The following MTOR variants were observed in gnomAD, a reference collection of about 807,000 sequenced individuals.
MTOR encodes the protein mechanistic target of rapamycin kinase.
In MTOR, 70 loss-of-function variants were observed where a neutral mutation model predicts 319.8. That is an observed-to-expected ratio of 0.22 (90% confidence interval 0.18 to 0.27). The LOEUF (loss-of-function observed/expected upper bound fraction) is 0.27, where lower values mean the gene tolerates loss of function less well. Ranked by LOEUF, MTOR falls within the 10% of genes least tolerant of loss-of-function variation. The pLI is 1.00. For synonymous variants in MTOR, 1,183 were observed against 1,211.4 expected (o/e 0.98, Z 0.49); for missense variants, 1,890 against 3,274.4 (o/e 0.58, Z 10.32).
intron 29 of MTOR, among the ~76,000 whole-genome samples, chr1:11,162,355 A>G (rs985757552): frequency 7.9e-5 from 12 of 152,218 alleles, no homozygotes; most frequent in Non-Finnish European, 1.8e-4. Flanking sequence ...GTTGGAAAAC[A>G]CTCTTCAGGA....
In MTOR at chr1:11,233,734, G is replaced by A. The variant is rs184664470; in HGVS notation, c.2332-247C>T. The stretch of plus-strand genomic sequence containing the variant: ...GTATTTCTCATGTCTCCTCTAAACC[G>A]AGTCTCAGTGATTGTTCATCCAGAT... On this transcript the variant is annotated intron_variant, in intron 14 of 57. Coordinates refer to ENST00000361445, the MANE Select transcript of MTOR (RefSeq NM_004958.4). Among the ~76,000 whole-genome samples the A allele has an allele frequency of 5.5e-4, 84 of 152,266 alleles. No individual in the cohort carries two copies. In the East Asian group the frequency reaches 0.012, roughly 21 times the overall value.
chr1:11,157,068 T>G, intron 30 of MTOR, 84 bp downstream of exon 30: 6 of 1,472,562 alleles, frequency 4.1e-6, no homozygotes, highest in Non-Finnish European at 5.4e-6. Context: ...GAACTCCGTG[T>G]GGGGGAAGCC....
rs1644963130 is a variant in MTOR at position 11,175,746 on chromosome 1, G to T, written c.4254-8229C>A. Among the ~76,000 whole-genome samples the T allele has an allele frequency of 1.1e-4, 15 of 137,302 alleles. No individual in the cohort carries two copies. The South Asian group carries it at 2.9e-3, about 26-fold the overall frequency. The allele number at this position is 137,302 out of a possible 152,430, so 90.1% of individuals were successfully genotyped here. On this transcript the variant is annotated intron_variant, in intron 28 of 57. Coordinates refer to ENST00000361445, the MANE Select transcript of MTOR (RefSeq NM_004958.4). ...TTTCCTCTCAGGCTCTCCCTAGCAG[G>T]TTTTTTTTTTTTTTTTGAGACAGGG...
At chr1:11,247,009 G>A (rs188415863) in intron 8 of MTOR, among the ~76,000 whole-genome samples, 11 of 152,336 alleles carry the variant, frequency 7.2e-5, no homozygotes, top group Admixed American at 2.6e-4. Flanking sequence ...TTACAAGTCA[G>A]GAAGCTGAGG....
At chr1:11,221,703 T>C (rs1235443269) in intron 19 of MTOR, among the ~76,000 whole-genome samples, 1 of 148,412 alleles carries the variant, frequency 6.7e-6, no homozygotes, top group African/African-American at 2.5e-5. Flanking sequence ...ATATTATATA[T>C]ACATATATAT....
chr1:11,114,467 A>G lies in MTOR; in HGVS notation c.7165-14T>C, dbSNP rs754423447. ...CAGGCCTGTAACCTAGAAATGGGAC[A>G]GAGCCACTCACCACAGGAGTTACTA... On this transcript the variant is annotated splice_polypyrimidine_tract_variant and intron_variant, in intron 52 of 57. Transcript: ENST00000361445. 1 of 1,614,148 alleles carries G rather than the reference A, an allele frequency of 6.2e-7. No individual in the cohort carries two copies.
intron 28 of MTOR, among the ~76,000 whole-genome samples, chr1:11,175,165 T>C (rs1372764095): frequency 6.6e-6 from 1 of 152,238 alleles, no homozygotes; most frequent in Non-Finnish European, 1.5e-5. Flanking sequence ...ATCCAGTTGC[T>C]ATCATACAGT....
rs552143481 is a variant in MTOR at position 11,136,791 on chromosome 1, C to A, written c.5131-2325G>T. On this transcript the variant is annotated intron_variant, in intron 36 of 57. Transcript: ENST00000361445. ...GTGCTGGGATTACAGGTGTGAACCACCCTTTAGTTTTTTTTTTTTCTAGGA... is the reference window on the plus strand; with the variant it reads ...GTGCTGGGATTACAGGTGTGAACCAACCTTTAGTTTTTTTTTTTTCTAGGA... Among the ~76,000 whole-genome samples, 16 of 151,970 alleles carry A rather than the reference C, an allele frequency of 1.1e-4. No homozygotes were observed. The South Asian group carries it at 3.1e-3, about 30-fold the overall frequency.
At chr1:11,217,402 T>G (rs1243953318) in intron 19 of MTOR, among the ~76,000 whole-genome samples, 1 of 151,328 alleles carries the variant, frequency 6.6e-6, no homozygotes, top group Admixed American at 6.6e-5. Context: ...CCCAATTTTT[T>G]TTTTTTTGAG....
rs944320131 is a variant in MTOR at position 11,121,249 on chromosome 1, G to A, written c.6930C>T (p.Ser2310=). ...AKLLWLKSPS[S]EVWFDRRTNY... ...TCTGCAGGGCCCAGTGGCCTACCTC[G>A]GAGCTGGGGCTTTTCAGCCACAGCA... is the stretch of plus-strand genomic sequence containing the variant. Residue 2310 remains serine, a synonymous_variant, in exon 49 of 58, where the codon TCC becomes TCT. Transcript: ENST00000361445. This position sits in a 1 kb window ranked among gnomAD's most constrained non-coding sequence, Gnocchi z 4.9. 6 of 1,613,182 alleles carry A rather than the reference G, an allele frequency of 3.7e-6. No individual in the cohort carries two copies. The highest frequency in any genetic ancestry group is 3.3e-5 in the South Asian group (3 of 91,078).
intron 10 of MTOR, among the ~76,000 whole-genome samples, chr1:11,241,162 A>C (rs900276787): frequency 1.3e-5 from 2 of 151,914 alleles, no homozygotes; most frequent in African/African-American, 4.8e-5. Context: ...TCTACTAAAA[A>C]TACAAAGAAT....
At chr1:11,261,938 T>A (rs1651189727) in intron 1 of MTOR, among the ~76,000 whole-genome samples, 9 of 152,080 alleles carry the variant, frequency 5.9e-5, no homozygotes, top group Admixed American at 5.9e-4. Context: ...CCTAATGGTG[T>A]TGATAGGGCT....
intron 19 of MTOR, among the ~76,000 whole-genome samples, chr1:11,223,014 A>C (rs1162311925): frequency 6.6e-6 from 1 of 151,478 alleles, no homozygotes; most frequent in Non-Finnish European, 1.5e-5. Flanking sequence ...ACTGTAATCT[A>C]TGAAGTATCT....
In MTOR at chr1:11,238,531, T is replaced by C; in HGVS notation, c.1873A>G (p.Thr625Ala). 2 of 1,614,138 alleles carry C rather than the reference T, an allele frequency of 1.2e-6. No individual in the cohort carries two copies. The highest frequency in any genetic ancestry group is 1.7e-6 in the Non-Finnish European group (2 of 1,180,020). The change falls in exon 12 of 58, where the codon ACC becomes GCC. Residue 625 changes from threonine to alanine, a missense_variant. Thr to Ala is a moderately conservative substitution (Grantham distance 58, BLOSUM62 0). This residue lies in a region of MTOR where 418 missense variants were observed against 543.1 expected (regional missense o/e 0.77). Transcript: ENST00000361445. ...HKEIRMEAARTCSRLLTPSIH... is the reference protein window; with the variant it reads ...HKEIRMEAARACSRLLTPSIH... Reference sequence around the variant, plus strand: ...GAGGGTGTGAGCAGGCGGGAGCAGGTGCGGGCAGCCTCCATGCGGATCTCC... The same window carrying C: ...GAGGGTGTGAGCAGGCGGGAGCAGGCGCGGGCAGCCTCCATGCGGATCTCC...
intron 47 of MTOR, among the ~76,000 whole-genome samples, chr1:11,123,503 C>G (rs1642653352): frequency 6.7e-6 from 1 of 149,060 alleles, no homozygotes; most frequent in Non-Finnish European, 1.5e-5. Context: ...GGGTCTTGCT[C>G]TGCTGCCCAG....
At chr1:11,140,747 A>G (rs1407521454) in intron 34 of MTOR, among the ~76,000 whole-genome samples, 1 of 152,234 alleles carries the variant, frequency 6.6e-6, no homozygotes, top group Admixed American at 6.5e-5. Context: ...ATTTCAATTT[A>G]TTTTGTGAAT....
rs906416267 is a variant in MTOR, at chr1:11,121,440, G to A, written c.6811-72C>T. The stretch of plus-strand genomic sequence containing the variant: ...TAGTTTGGGTCCAGGAAGAAACAAG[G>A]CTTGGGGTCCAGGCAGAGCTGAGTT... On this transcript the variant is annotated intron_variant, in intron 48 of 57. Transcript: ENST00000361445. The surrounding 1 kb of genome is among the most constrained non-coding windows in gnomAD (Gnocchi z 4.9). The A allele has an allele frequency of 5.0e-6, 8 of 1,590,044 alleles. No homozygotes were observed. The highest frequency in any genetic ancestry group is 6.0e-6 in the Non-Finnish European group (7 of 1,166,986).
chr1:11,181,053 G>A (rs972189869), intron 28 of MTOR, among the ~76,000 whole-genome samples: 4 of 152,176 alleles, frequency 2.6e-5, no homozygotes, highest in African/African-American at 7.2e-5. Flanking sequence ...GGGATTACAG[G>A]CATGAGCCAC....
intron 19 of MTOR, among the ~76,000 whole-genome samples, chr1:11,224,254 C>CAT (rs1646758921): frequency 6.6e-6 from 1 of 151,802 alleles, no homozygotes; most frequent in Admixed American, 6.6e-5. Flanking sequence ...TTGGAAAAGA[C>CAT]ATATACCTCC....
Sources: allele counts gnomAD v4.1 joint callset (sites outside exome capture counted in the v4.1 genomes callset), GRCh38; gene constraint gnomAD v4.1.1; regional missense constraint gnomAD v4.1.1; non-coding constraint Gnocchi (gnomAD v3.1); transcripts MANE v1.5; gene names NCBI Gene and HGNC (gene_info 2026-07-23, HGNC 2026-07-21).